Variants in NOL9 observed in about 807,000 individuals in gnomAD.
NOL9 encodes the protein polynucleotide 5'-hydroxyl-kinase NOL9.
A neutral mutation model predicts 67.9 loss-of-function variants in NOL9; 28 were observed. That is an observed-to-expected ratio of 0.41 (90% CI 0.31 to 0.57). NOL9 has a LOEUF of 0.57. NOL9 is among the 20% of genes least tolerant of loss of function. NOL9 has a pLI of 0.25. For missense variants in NOL9, 777 were observed against 897.0 expected (o/e 0.87, Z 1.71); for synonymous variants, 356 against 352.2 (o/e 1.01, Z -0.12).
chr1:6,553,755 T>TC (rs1365774434), intron 1 of NOL9, among the ~76,000 whole-genome samples: 1 of 152,032 alleles, frequency 6.6e-6, no homozygotes, highest in African/African-American at 2.4e-5. Context: ...GGCAGGGGAA[T>TC]CGCTTCAACC....
chr1:6,528,036 C>A (rs1638930896), intron 10 of NOL9, among the ~76,000 whole-genome samples: 1 of 152,204 alleles, frequency 6.6e-6, no homozygotes, highest in Admixed American at 6.5e-5. Context: ...ATCACTGTTC[C>A]TCCTTTATGG....
Position 6,526,757 on chromosome 1 carries a change from C to T in NOL9, c.1898G>A (p.Arg633Lys), listed in dbSNP as rs1176871393. 6.2e-7 allele frequency: 1 copy of T among 1,614,024 alleles called. No individual in the cohort carries two copies. The change falls in exon 11 of 12, where the codon AGG (arginine) becomes AAG (lysine). Residue 633 changes from arginine to lysine, a missense_variant. Around this residue, in one of 2 missense-constraint regions of NOL9, gnomAD observed 413 missense variants for 552.6 expected, o/e 0.75. Coordinates refer to ENST00000377705, the MANE Select transcript of NOL9 (RefSeq NM_024654.5). ...TCCAACGAGCAGACAATTCACGGTC[C>T]TTAGCTCTTCCGGGGGCACAGGGGT... ...ILTPVPPEEL[R>K]TVNCLLVGAI... is the part of the protein sequence containing the mutation.
rs192481705 is a variant in NOL9 at position 6,530,224 on chromosome 1, G to A, written c.1648-1053C>T. ...TCCCAGCACTTTGGGAGGCTGAGGC[G>A]GGTGGATCATCTGAGGTCAGGAGTT... On this transcript the variant is annotated intron_variant, in intron 9 of 11. Transcript: ENST00000377705. Among the ~76,000 whole-genome samples the A allele has an allele frequency of 3.7e-3, 566 of 152,234 alleles. 5 individuals are homozygous for A. Among genetic ancestry groups the A allele is most frequent in the African/African-American group, 0.012 (518 of 41,550 alleles).
rs773273017 is a variant in NOL9, at chr1:6,533,461, T to C, written c.1076-20A>G. On this transcript the variant is annotated intron_variant, in intron 6 of 11. Transcript: ENST00000377705. ...GTGGTCCTAAAAAGATAAAGATGAG[T>C]AATCAGATGAGTAAGGTGAGTGATC... 4.5e-6 allele frequency: 7 copies of C among 1,556,104 alleles called. No individual in the cohort carries two copies. The highest frequency in any genetic ancestry group is 1.8e-5 in the Admixed American group (1 of 54,662).
intron 5 of NOL9, among the ~76,000 whole-genome samples, chr1:6,543,523 C>G (rs1044606772): frequency 1.3e-5 from 2 of 152,038 alleles, no homozygotes; most frequent in Non-Finnish European, 2.9e-5. Context: ...TATTTAGAGA[C>G]ACAGTGTCAC....
chr1:6,554,123 A>T lies in NOL9; in HGVS notation c.380T>A (p.Leu127Gln), dbSNP rs1207775252. The change falls in exon 1 of 12, where the codon CTG (leucine) becomes CAG (glutamine). Residue 127 changes from leucine to glutamine, a missense_variant. Physicochemically the swap from Leu to Gln is moderately radical, Grantham distance 113. This residue lies in a region of NOL9 where 364 missense variants were observed against 344.4 expected (regional missense o/e 1.06). Coordinates refer to ENST00000377705, the MANE Select transcript of NOL9 (RefSeq NM_024654.5). ...RPVGPGRALLLLPVEQGFTFS... is the reference protein window; with the variant it reads ...RPVGPGRALLQLPVEQGFTFS... The stretch of plus-strand genomic sequence containing the variant: ...CCCACCTACCTGCTCGACCGGCAGC[A>T]GCAGCAACGCGCGGCCGGGGCCCAC... 6 of 1,529,788 alleles carry T rather than the reference A, an allele frequency of 3.9e-6. No homozygotes were observed. The highest frequency in any genetic ancestry group is 5.3e-6 in the Non-Finnish European group (6 of 1,138,064). 94.8% of individuals were successfully genotyped at this position (1,529,788 alleles called of 1,614,324 possible).
chr1:6,549,778 C>T lies in NOL9; in HGVS notation c.617-80G>A, dbSNP rs537811507. ...CCCTTTAGGACTGCCATCTCCTCGG[C>T]TAAACTATAAACATTAGGAGAGTAG... On this transcript the variant is annotated intron_variant, in intron 2 of 11. Transcript: ENST00000377705. 2,293 of 1,553,872 alleles carry T rather than the reference C, an allele frequency of 1.5e-3. 5 individuals carry two copies. Among genetic ancestry groups the T allele is most frequent in the Non-Finnish European group, 1.9e-3 (2,115 of 1,139,818 alleles).
intron 3 of NOL9, among the ~76,000 whole-genome samples, chr1:6,547,008 G>A (rs148283619): frequency 6.6e-6 from 1 of 152,122 alleles, no homozygotes; most frequent in Non-Finnish European, 1.5e-5. Context: ...GTTAACTCTC[G>A]TTTAAAGACT....
intron 10 of NOL9, among the ~76,000 whole-genome samples, chr1:6,527,633 A>G (rs1258100783): frequency 2.1e-5 from 1 of 47,484 alleles, no homozygotes; most frequent in Non-Finnish European, 6.6e-5. Context: ...ACAAAACAAA[A>G]CAAAACAAAA....
chr1:6,554,350 C>T lies in NOL9; in HGVS notation c.153G>A (p.Arg51=), dbSNP rs749976712. 6.9e-7 allele frequency: 1 copy of T among 1,459,306 alleles called. No homozygotes were observed. The highest frequency in any genetic ancestry group is 9.0e-7 in the Non-Finnish European group (1 of 1,113,516). 90.4% of individuals were successfully genotyped at this position (1,459,306 alleles called of 1,614,324 possible). ...CGCCGGACGCCTGGGCTTGCAGTAA[C>T]CGCCACCGTAGGCGCCGCCGACCGC... ...RWCGRRRLRW[R]LLQAQASGVD... Residue 51 remains arginine, a synonymous_variant, in exon 1 of 12, where the codon CGG becomes CGA. Transcript: ENST00000377705.
At chr1:6,548,620 A>G in intron 3 of NOL9, 1 of 372,092 alleles carries the variant, frequency 2.7e-6, no homozygotes, top group Non-Finnish European at 5.3e-6. Context: ...AGAAAGCTAA[A>G]TAAAAAATGA....
At chr1:6,528,931 C>A (rs1445913883) in intron 10 of NOL9, 63 bp downstream of exon 10, 4 of 1,517,532 alleles carry the variant, frequency 2.6e-6, no homozygotes, top group Non-Finnish European at 2.7e-6. Context: ...GACCAGTCAT[C>A]TACAGTTGAA....
chr1:6,545,919 CA>C lies in NOL9; in HGVS notation c.745-740del, dbSNP rs66980518. ...ACAGAGGGAGACTGTGTCTGTGTCT[CA>C]AAAAAAAAAAAAAAAAAAAAAAAGA... On this transcript the variant is annotated intron_variant, in intron 3 of 11. Transcript: ENST00000377705. Among the ~76,000 whole-genome samples, 307 of 59,636 alleles carry C rather than the reference CA, an allele frequency of 5.1e-3. 2 individuals carry two copies. In the East Asian group the frequency reaches 0.058, roughly 11 times the overall value. The allele number at this position is 59,636 out of a possible 152,430, so 39.1% of individuals were successfully genotyped here.
chr1:6,526,020 G>A lies in NOL9; in HGVS notation c.1960-17C>T, dbSNP rs1197685469. Reference sequence around the variant, plus strand: ...GATCCCACGCTGAAACGGAAACACAGAGAATGCATGGAAACACTCCAGGTC... The same window carrying A: ...GATCCCACGCTGAAACGGAAACACAAAGAATGCATGGAAACACTCCAGGTC... On this transcript the variant is annotated splice_polypyrimidine_tract_variant and intron_variant, in intron 11 of 11. Coordinates refer to ENST00000377705, the MANE Select transcript of NOL9 (RefSeq NM_024654.5). The A allele has an allele frequency of 1.2e-6, 2 of 1,611,398 alleles. No homozygotes were observed. The highest frequency in any genetic ancestry group is 1.3e-5 in the African/African-American group (1 of 74,848).
intron 3 of NOL9, among the ~76,000 whole-genome samples, chr1:6,547,196 C>T (rs1007952204): frequency 1.3e-5 from 2 of 152,178 alleles, no homozygotes; most frequent in Non-Finnish European, 2.9e-5. Context: ...GCCTGGGTAT[C>T]CTCTCTGCTG....
chr1:6,529,911 C>A (rs1005225327), intron 9 of NOL9, among the ~76,000 whole-genome samples: 1 of 151,668 alleles, frequency 6.6e-6, no homozygotes, highest in Non-Finnish European at 1.5e-5. Context: ...GAATGACAGA[C>A]CAAGACTCCA....
intron 6 of NOL9, among the ~76,000 whole-genome samples, chr1:6,537,991 C>CAAAAAAA (rs35793215): frequency 1.9e-5 from 1 of 52,502 alleles, no homozygotes; most frequent in Non-Finnish European, 3.4e-5. Flanking sequence ...GACTCCATCT[C>CAAAAAAA]AAAAAAAAAA....
Position 6,529,137 on chromosome 1 carries a change from T to C in NOL9, c.1682A>G (p.His561Arg), listed in dbSNP as rs1638960773. ...PFNAVALRITHSDVAPTHILY... is the reference protein window; with the variant it reads ...PFNAVALRITRSDVAPTHILY... ...TATATGGGTAGGGGCGACATCAGAG[T>C]GGGTAATCCGGAGTGCGACTGCATT... Residue 561 changes from histidine (H) to arginine (R), a missense_variant, in exon 10 of 12, where the codon CAC becomes CGC. By Grantham distance (29) the His-to-Arg change is conservative. This residue lies in a region of NOL9 where 413 missense variants were observed against 552.6 expected (regional missense o/e 0.75). Transcript: ENST00000377705. 6.2e-7 allele frequency: 1 copy of C among 1,613,692 alleles called. No homozygotes were observed. Among genetic ancestry groups the C allele is most frequent in the Non-Finnish European group, 8.5e-7 (1 of 1,179,870 alleles).
In NOL9 at chr1:6,524,599, C is replaced by T. The variant is rs763694787; in HGVS notation, c.*1255G>A. ...TCCCACAGGCAATAATGGAGCTTTC[C>T]CAAGAGCTGGTCTGCCAGTCCTTCT... On this transcript the variant is annotated 3_prime_UTR_variant, in exon 12 of 12. Transcript: ENST00000377705. 6 of 152,222 alleles carry T rather than the reference C, an allele frequency of 3.9e-5. No homozygotes were observed. Among genetic ancestry groups the T allele is most frequent in the Non-Finnish European group, 7.3e-5 (5 of 68,054 alleles). The allele number at this position is 152,222 out of a possible 1,614,324, so 9.4% of individuals were successfully genotyped here. A position where few individuals can be genotyped will look rare whatever the true frequency, so the allele number is the denominator to read the frequency against.
Sources: allele counts gnomAD v4.1 joint callset (sites outside exome capture counted in the v4.1 genomes callset), GRCh38; gene constraint gnomAD v4.1.1; regional missense constraint gnomAD v4.1.1; transcripts MANE v1.5; gene names NCBI Gene and HGNC (gene_info 2026-07-23, HGNC 2026-07-21).